NELL1: variants seen among roughly 807,000 people sequenced by gnomAD.
NELL1 encodes neural EGFL like 1, also known as protein kinase C-binding protein NELL1.
In NELL1, 76 loss-of-function variants were observed where a neutral mutation model predicts 107.4. The ratio of observed to expected loss-of-function variants is 0.71; its 90% CI spans 0.59 to 0.86. The LOEUF is 0.86. Among genes scored for constraint, NELL1 ranks in the 40% least tolerant of loss-of-function variants. NELL1 has a pLI of 0.00. For synonymous variants in NELL1, 353 were observed against 341.2 expected (o/e 1.03, Z -0.38); for missense variants, 1,024 against 1,005.5 (o/e 1.02, Z -0.25).
intron 13 of NELL1, among the ~76,000 whole-genome samples, chr11:21,158,608 G>A (rs1856296930): frequency 6.6e-6 from 1 of 152,040 alleles, no homozygotes; most frequent in African/African-American, 2.4e-5. Context: ...AAGTCTTAGA[G>A]TCTCCAACTT....
chr11:21,543,542 C>G (rs1401998414), intron 16 of NELL1, among the ~76,000 whole-genome samples: 1 of 151,954 alleles, frequency 6.6e-6, no homozygotes, highest in Non-Finnish European at 1.5e-5. Flanking sequence ...TTTGCAACAT[C>G]TAATAGAAAA....
intron 2 of NELL1, among the ~76,000 whole-genome samples, chr11:20,752,438 A>G (rs1379346826): frequency 6.6e-6 from 1 of 152,176 alleles, no homozygotes; most frequent in African/African-American, 2.4e-5. Context: ...AATCCCAGCT[A>G]CTTGGGAGGC....
chr11:21,257,548 T>A (rs10833484), intron 14 of NELL1, among the ~76,000 whole-genome samples: 37,898 of 151,810 alleles, frequency 0.25, 5,933 homozygotes, highest in Middle Eastern at 0.39. Flanking sequence ...TGAGACAACC[T>A]AGTATGTCAG....
At chr11:21,459,276 A>G (rs557979285) in intron 15 of NELL1, among the ~76,000 whole-genome samples, 48 of 151,678 alleles carry the variant, frequency 3.2e-4, no homozygotes, top group Non-Finnish European at 5.7e-4. Flanking sequence ...ACCATGTGCT[A>G]TAAATGAAGT....
intron 15 of NELL1, among the ~76,000 whole-genome samples, chr11:21,409,836 A>G (rs1270929552): frequency 6.6e-6 from 1 of 151,988 alleles, no homozygotes; most frequent in Non-Finnish European, 1.5e-5. Context: ...TTGGAATACT[A>G]TATTGTTTGC....
chr11:20,780,083 A>T (rs142673488), intron 2 of NELL1, among the ~76,000 whole-genome samples: 1,768 of 152,348 alleles, frequency 0.012, 13 homozygotes, highest in Non-Finnish European at 0.017. Flanking sequence ...TCAGTGTATC[A>T]AAACAGGTGT....
chr11:20,702,178 G>A (rs1245222558), intron 2 of NELL1, among the ~76,000 whole-genome samples: 3 of 151,932 alleles, frequency 2.0e-5, no homozygotes, highest in Admixed American at 6.6e-5. Context: ...GTCCTCTTTT[G>A]TTTCATTGAG....
chr11:21,241,061 G>A lies in NELL1; in HGVS notation c.1549+11607G>A, dbSNP rs143498466. 5.1e-3 allele frequency among the ~76,000 whole-genome samples: 775 copies of A among 152,132 alleles called. 4 individuals are homozygous for A. The highest frequency in any genetic ancestry group is 7.3e-3 in the Non-Finnish European group (493 of 67,954). ...AATGACCCATAAGATTAGCAAAGCC[G>A]TATACATATATCAGTCAGTTTTATT... On this transcript the variant is annotated intron_variant, in intron 14 of 19. Coordinates refer to ENST00000357134, the MANE Select transcript of NELL1 (RefSeq NM_006157.5).
rs1853853133 is a variant in NELL1 at position 20,669,893 on chromosome 11, G to A, written c.55+115G>A. 1 of 843,198 alleles carries A rather than the reference G, an allele frequency of 1.2e-6. No homozygotes were observed. Among genetic ancestry groups the A allele is most frequent in the Non-Finnish European group, 2.0e-6 (1 of 496,950 alleles). The allele number at this position is 843,198 out of a possible 1,614,324, so 52.2% of individuals were successfully genotyped here. A position where few individuals can be genotyped will look rare whatever the true frequency, so the allele number is the denominator to read the frequency against. On this transcript the variant is annotated intron_variant, in intron 1 of 19. Coordinates refer to ENST00000357134, the MANE Select transcript of NELL1 (RefSeq NM_006157.5). The surrounding 1 kb of genome is among the most constrained non-coding windows in gnomAD (Gnocchi z 4.4). ...CGCTGGTCTGGGGAACGGCGGTAGC[G>A]TGGACCGGTTCCTGGGATCTCTTTG...
At chr11:21,417,661 G>C (rs1852550993) in intron 15 of NELL1, among the ~76,000 whole-genome samples, 1 of 151,968 alleles carries the variant, frequency 6.6e-6, no homozygotes, top group Non-Finnish European at 1.5e-5. Context: ...AGAAAAGTTT[G>C]ATTAGTGATC....
chr11:20,825,338 T>G (rs1461191828), intron 3 of NELL1, among the ~76,000 whole-genome samples: 1 of 151,118 alleles, frequency 6.6e-6, no homozygotes, highest in Non-Finnish European at 1.5e-5. Context: ...GACCCCAGAA[T>G]GGTAGATCTA....
chr11:21,116,567 C>T (rs1395491244), intron 13 of NELL1, among the ~76,000 whole-genome samples: 2 of 151,916 alleles, frequency 1.3e-5, no homozygotes, highest in African/African-American at 4.8e-5. Flanking sequence ...TCCACTTCTA[C>T]AAACCTCCTT....
chr11:20,897,094 C>T (rs1285387820), intron 5 of NELL1, among the ~76,000 whole-genome samples: 5 of 152,210 alleles, frequency 3.3e-5, no homozygotes, highest in Admixed American at 2.6e-4. Flanking sequence ...AAAAAGAGCC[C>T]GCATTGCCAA....
intron 12 of NELL1, among the ~76,000 whole-genome samples, chr11:20,987,869 A>G (rs532720599): frequency 2.6e-5 from 4 of 152,360 alleles, no homozygotes; most frequent in South Asian, 4.1e-4. Context: ...TTTTAATATT[A>G]TAATGAAATT....
At chr11:20,893,082 A>C (rs549038691) in intron 5 of NELL1, among the ~76,000 whole-genome samples, 2 of 152,314 alleles carry the variant, frequency 1.3e-5, no homozygotes, top group East Asian at 3.9e-4. Flanking sequence ...ACAGCCATGA[A>C]AAGGAATGAG....
chr11:21,566,428 TA>T (rs2134008465), intron 17 of NELL1, among the ~76,000 whole-genome samples: 1 of 151,722 alleles, frequency 6.6e-6, no homozygotes, highest in East Asian at 1.9e-4. Context: ...AAACCTATAA[TA>T]TTTTTATGGC....
intron 15 of NELL1, among the ~76,000 whole-genome samples, chr11:21,385,757 C>G (rs1426557725): frequency 3.9e-5 from 6 of 151,906 alleles, no homozygotes; most frequent in Non-Finnish European, 8.8e-5. Flanking sequence ...AACCTTCTTA[C>G]AGTAGCATCA....
chr11:21,530,137 A>G (rs187384018), intron 15 of NELL1, among the ~76,000 whole-genome samples: 36 of 152,306 alleles, frequency 2.4e-4, no homozygotes, highest in African/African-American at 8.7e-4. Flanking sequence ...CTTTTGTTGA[A>G]TGAATGAAAA....
chr11:21,458,988 A>G (rs1483855421), intron 15 of NELL1, among the ~76,000 whole-genome samples: 4 of 152,134 alleles, frequency 2.6e-5, no homozygotes, highest in Non-Finnish European at 4.4e-5. Context: ...AGTATTTTAG[A>G]TAAGCAAACC....
Sources: gnomAD v4.1 joint callset for allele counts (sites outside exome capture counted in the v4.1 genomes callset) on GRCh38, gnomAD v4.1.1 for gene constraint, Gnocchi (gnomAD v3.1) non-coding constraint, MANE v1.5 for transcripts, NCBI Gene and HGNC (gene_info 2026-07-23, HGNC 2026-07-21) for gene names.